PLA1A: variants seen among roughly 807,000 people sequenced by gnomAD.
The protein encoded by PLA1A is phospholipase A1 member A, also known as phosphatidylserine-specific phospholipase A1alpha.
In PLA1A, 47 loss-of-function variants were observed where a neutral mutation model predicts 49.4. That is an observed-to-expected ratio of 0.95 (90% confidence interval 0.75 to 1.21). The LOEUF (loss-of-function observed/expected upper bound fraction) is 1.21, where lower values mean the gene tolerates loss of function less well. Among genes scored for constraint, PLA1A ranks in the 50% most tolerant of loss-of-function variants. PLA1A has a pLI of 0.00. For missense variants in PLA1A, 561 were observed against 563.9 expected (o/e 0.99, Z 0.05); for synonymous variants, 224 against 207.9 (o/e 1.08, Z -0.67).
chr3:119,609,009 C>A (rs2082731040), intron 3 of PLA1A, 62 bp downstream of exon 3: 1 of 1,375,664 alleles, frequency 7.3e-7, no homozygotes, highest in Non-Finnish European at 1.0e-6. Flanking sequence ...GTCAGAAAGA[C>A]AAAAGCACTG....
chr3:119,617,824 A>G (rs993852566), intron 6 of PLA1A, among the ~76,000 whole-genome samples, 195 bp from the exon 7 acceptor site: 1 of 152,236 alleles, frequency 6.6e-6, no homozygotes, highest in African/African-American at 2.4e-5. Flanking sequence ...ATGCTTATGT[A>G]TCTCAGGAAA....
At chr3:119,614,017 C>T (rs938391409) in intron 5 of PLA1A, among the ~76,000 whole-genome samples, 4 of 152,232 alleles carry the variant, frequency 2.6e-5, no homozygotes, top group Non-Finnish European at 5.9e-5. Context: ...GGGCATTCCT[C>T]TTCATGTCTG....
chr3:119,619,712 C>A (rs2082902252), intron 8 of PLA1A, 60 bp downstream of exon 8: 3 of 1,134,332 alleles, frequency 2.6e-6, no homozygotes, highest in Non-Finnish European at 4.0e-6. Context: ...GGAGTCCAGC[C>A]CAGTGTGGTA....
chr3:119,600,742 G>A (rs2082607453), intron 1 of PLA1A, among the ~76,000 whole-genome samples: 1 of 152,198 alleles, frequency 6.6e-6, no homozygotes, highest in African/African-American at 2.4e-5. Context: ...CCAGAGGGTG[G>A]CCCATTTCAG....
intron 5 of PLA1A, among the ~76,000 whole-genome samples, chr3:119,614,629 A>AG (rs397990926): frequency 2.0e-5 from 3 of 146,950 alleles, no homozygotes; most frequent in Admixed American, 1.4e-4. Flanking sequence ...AAAAAAAAAA[A>AG]GTGAATCCTT....
At position 119,608,868 on chromosome 3, in the gene PLA1A, C is replaced by T. The variant is rs1213288547; in HGVS notation, c.374C>T (p.Ser125Phe). 1 of 1,613,690 alleles carries T rather than the reference C, an allele frequency of 6.2e-7. No individual in the cohort carries two copies. The highest frequency in any genetic ancestry group is 1.1e-5 in the South Asian group (1 of 91,074). ...NVIAVDWIYG[S>F]TGVYFSAVKN... ...ATTGCCGTGGACTGGATTTATGGGTCTACAGGAGTCTACTTCTCAGCTGTG... is the reference window on the plus strand; with the variant it reads ...ATTGCCGTGGACTGGATTTATGGGTTTACAGGAGTCTACTTCTCAGCTGTG... The change falls in exon 3 of 11, where the codon TCT (serine) becomes TTT (phenylalanine). Residue 125 changes from serine to phenylalanine, a missense_variant. By Grantham distance (155) the Ser-to-Phe change is radical. Coordinates refer to ENST00000273371, the MANE Select transcript of PLA1A (RefSeq NM_015900.4).
intron 10 of PLA1A, among the ~76,000 whole-genome samples, chr3:119,629,182 A>G (rs1048975228): frequency 6.6e-6 from 1 of 152,004 alleles, no homozygotes; most frequent in African/African-American, 2.4e-5. Flanking sequence ...TGGATCCAGA[A>G]TCCACATCCC....
intron 8 of PLA1A, among the ~76,000 whole-genome samples, chr3:119,619,902 G>A (rs959742140): frequency 3.3e-5 from 5 of 152,180 alleles, no homozygotes; most frequent in African/African-American, 4.8e-5. Context: ...TTACCCTCTA[G>A]TGGGTCTTCT....
chr3:119,617,898 G>A (rs1190453852), intron 6 of PLA1A, 121 bp from the exon 7 acceptor site: 2 of 651,770 alleles, frequency 3.1e-6, no homozygotes, highest in Admixed American at 2.8e-5. Flanking sequence ...AGTGATTTGA[G>A]GGGACTCCCA....
chr3:119,610,697 G>T (rs150064090), intron 4 of PLA1A, among the ~76,000 whole-genome samples: 266 of 152,172 alleles, frequency 1.7e-3, no homozygotes, highest in African/African-American at 6.1e-3. Context: ...GTTCCTTATA[G>T]ATTCTGGATA....
intron 1 of PLA1A, chr3:119,600,469 A>G (rs1046938828): frequency 5.7e-6 from 4 of 698,708 alleles, no homozygotes; most frequent in East Asian, 5.4e-5. Context: ...TTACATCCCT[A>G]TTTGCTGTGG....
chr3:119,629,310 G>A (rs2052591051), intron 10 of PLA1A, 74 bp from the exon 11 acceptor site: 2 of 856,086 alleles, frequency 2.3e-6, no homozygotes, highest in East Asian at 2.4e-5. Flanking sequence ...GACATCATGG[G>A]AATTCAAAAG....
chr3:119,597,961 T>A lies in PLA1A; in HGVS notation c.48T>A (p.Ile16=). The A allele has an allele frequency of 6.2e-7, 1 of 1,609,986 alleles. No individual in the cohort carries two copies. The highest frequency in any genetic ancestry group is 8.5e-7 in the Non-Finnish European group (1 of 1,178,006). The change falls in exon 1 of 11, where the codon ATT becomes ATA. Residue 16 remains isoleucine (I), a synonymous_variant. Coordinates refer to ENST00000273371, the MANE Select transcript of PLA1A (RefSeq NM_015900.4). ...GCTGCTTCTGGGTGGGGGGCCTCAT[T>A]TTGTGGCTCAGCGTTGGAAGTTCAG... ...WESCFWVGGL[I]LWLSVGSSGD... is the part of the protein sequence containing the mutation.
chr3:119,617,507 T>C (rs1313128722), intron 6 of PLA1A, among the ~76,000 whole-genome samples: 1 of 151,866 alleles, frequency 6.6e-6, no homozygotes, highest in Admixed American at 6.6e-5. Flanking sequence ...CTCTCGGAGG[T>C]TGAGGCAGGT....
At chr3:119,622,146 GGAGGAAGAAGAAGAAGAA>G (rs1240568704) in intron 8 of PLA1A, among the ~76,000 whole-genome samples, 1 of 120,860 alleles carries the variant, frequency 8.3e-6, no homozygotes, top group Non-Finnish European at 1.6e-5. Flanking sequence ...AGGAGGAGGA[GGAGGAAGAAGAAGAAGAA>G]GAAGAAGAAG....
chr3:119,611,574 T>C (rs929045495), intron 4 of PLA1A, among the ~76,000 whole-genome samples: 2 of 152,132 alleles, frequency 1.3e-5, no homozygotes, highest in Non-Finnish European at 2.9e-5. Context: ...TCTTTTGCTG[T>C]TTTGGTTAGG....
Position 119,616,065 on chromosome 3 carries a change from C to A in PLA1A, c.718C>A (p.Gln240Lys), listed in dbSNP as rs753856678. 9.3e-6 allele frequency: 15 copies of A among 1,613,404 alleles called. No individual in the cohort carries two copies. ...GHVDYFVNGG[Q>K]DQPGCPTFFY... ...TGTGGACTACTTCGTCAACGGAGGC[C>A]AAGACCAACCTGGCTGCCCCACCTT... The change falls in exon 6 of 11, where the codon CAA becomes AAA. Residue 240 changes from glutamine to lysine, a missense_variant. Coordinates refer to ENST00000273371, the MANE Select transcript of PLA1A (RefSeq NM_015900.4).
chr3:119,620,622 T>C (rs2082916172), intron 8 of PLA1A, among the ~76,000 whole-genome samples: 1 of 152,298 alleles, frequency 6.6e-6, no homozygotes, highest in South Asian at 2.1e-4. Flanking sequence ...GAGTATAAAA[T>C]AAAATGGTGC....
chr3:119,619,795 A>C (rs900099267), intron 8 of PLA1A, 143 bp downstream of exon 8: 85 of 668,342 alleles, frequency 1.3e-4, no homozygotes, highest in Middle Eastern at 7.9e-4. Context: ...TCTGAACCAA[A>C]ACTTTCAGAG....
Sources: gnomAD v4.1 joint callset for allele counts (sites outside exome capture counted in the v4.1 genomes callset) on GRCh38, gnomAD v4.1.1 for gene constraint, MANE v1.5 for transcripts, NCBI Gene and HGNC (gene_info 2026-07-23, HGNC 2026-07-21) for gene names.